The following TLE6 variants were observed in gnomAD, a reference collection of about 807,000 sequenced individuals.
The protein encoded by TLE6 is transducin-like enhancer protein 6.
Under a neutral mutation model 77.1 loss-of-function variants are expected in TLE6, and 72 were observed. That is an observed-to-expected ratio of 0.93 (90% CI 0.77 to 1.14). The LOEUF is 1.14. Ranked by LOEUF, TLE6 falls within the 50% of genes most tolerant of loss-of-function variation. TLE6 has a pLI of 0.00. For missense variants in TLE6, 843 were observed against 747.6 expected, an observed-to-expected ratio of 1.13 and a Z score of -1.49; for synonymous variants, 366 against 287.3, an observed-to-expected ratio of 1.27 and a Z score of -2.77.
intron 14 of TLE6, among the ~76,000 whole-genome samples, chr19:2,993,038 A>C (rs1599173164): frequency 6.8e-6 from 1 of 147,914 alleles, no homozygotes; most frequent in African/African-American, 2.5e-5. Flanking sequence ...AAAAAAAAAA[A>C]AAAAAAAAAA....
chr19:2,978,120 G>A (rs999105927), intron 1 of TLE6, 78 bp from the exon 2 acceptor site: 30 of 1,058,898 alleles, frequency 2.8e-5, no homozygotes, highest in Non-Finnish European at 4.2e-5. Context: ...AGGTGCGGGT[G>A]GGGTAACGGG....
intron 8 of TLE6, 23 bp from the exon 9 acceptor site, chr19:2,987,701 G>A: frequency 1.9e-6 from 3 of 1,614,040 alleles, no homozygotes; most frequent in African/African-American, 2.7e-5. Context: ...CAGCAGGCCT[G>A]ATGAGACTTT....
At chr19:2,985,358 CACCTAGGGAG>C (rs2088884448) in intron 5 of TLE6, among the ~76,000 whole-genome samples, 1 of 150,342 alleles carries the variant, frequency 6.7e-6, no homozygotes, top group African/African-American at 2.5e-5. Context: ...ACGTCTTCCT[CACCTAGGGAG>C]ACCTAGGTAT....
intron 5 of TLE6, among the ~76,000 whole-genome samples, chr19:2,985,661 C>T (rs2088893730): frequency 6.7e-6 from 1 of 149,552 alleles, no homozygotes. Flanking sequence ...CCTCATGATC[C>T]GCCCGCCTCG....
At chr19:2,986,372 C>A (rs1599159038) in intron 5 of TLE6, among the ~76,000 whole-genome samples, 1 of 151,842 alleles carries the variant, frequency 6.6e-6, no homozygotes, top group East Asian at 1.9e-4. Flanking sequence ...GCTGTAATCG[C>A]ACCACTGCAC....
rs2088923836 is a variant in TLE6 at position 2,986,909 on chromosome 19, C to G, written c.285+18C>G. ...CTGAGGAGGTGAGTTTCTGGGTCTT[C>G]AAGGAGGGGAGGGGACAGGCTTGGG... On this transcript the variant is annotated intron_variant, in intron 6 of 16. Coordinates refer to ENST00000246112, the MANE Select transcript of TLE6 (RefSeq NM_001143986.2). 6.4e-7 allele frequency: 1 copy of G among 1,552,094 alleles called. No homozygotes were observed. Among genetic ancestry groups the G allele is most frequent in the Non-Finnish European group, 8.7e-7 (1 of 1,147,202 alleles).
intron 11 of TLE6, 135 bp from the exon 12 acceptor site, chr19:2,988,925 TC>T (rs2088976905): frequency 1.5e-6 from 1 of 668,104 alleles, no homozygotes. Flanking sequence ...TTGAGGGGAG[TC>T]TAGAGGGTAA....
At chr19:2,978,003 C>T (rs1384343873) in intron 1 of TLE6, among the ~76,000 whole-genome samples, 195 bp from the exon 2 acceptor site, 4 of 152,018 alleles carry the variant, frequency 2.6e-5, no homozygotes, top group South Asian at 2.1e-4. Context: ...TCTGGGTCCC[C>T]GCCCCCATGA....
chr19:2,983,360 G>T (rs2088838356), intron 5 of TLE6, among the ~76,000 whole-genome samples: 1 of 152,150 alleles, frequency 6.6e-6, no homozygotes, highest in African/African-American at 2.4e-5. Flanking sequence ...GCGGGGGATG[G>T]AAGAGAGCAG....
In TLE6 at chr19:2,991,915, G is replaced by C; in HGVS notation, c.1317G>C (p.Pro439=). The C allele has an allele frequency of 1.2e-6, 2 of 1,613,792 alleles. No individual in the cohort carries two copies. Among genetic ancestry groups the C allele is most frequent in the Non-Finnish European group, 1.7e-6 (2 of 1,179,896 alleles). The part of the protein sequence containing the change: ...VKGYNIWTGG[P]DACLRCWDQR... ...GCTACAACATCTGGACTGGGGGTCC[G>C]GATGCCTGTCTGCGGTGCTGGGACC... The change falls in exon 14 of 17, where the codon CCG becomes CCC. Residue 439 remains proline (P), a synonymous_variant. Coordinates refer to ENST00000246112, the MANE Select transcript of TLE6 (RefSeq NM_001143986.2).
rs1032523660 is a variant in TLE6 at position 2,986,940 on chromosome 19, G to T, written c.286-43G>T. On this transcript the variant is annotated intron_variant, in intron 6 of 16. Coordinates refer to ENST00000246112, the MANE Select transcript of TLE6 (RefSeq NM_001143986.2). ...GGGGAGGGGACAGGCTTGGGTGAAG[G>T]CTCATCCTCAAAGCTCTCACTGCCT... is the stretch of plus-strand genomic sequence containing the variant. 6 of 1,556,216 alleles carry T rather than the reference G, an allele frequency of 3.9e-6. No homozygotes were observed. In the East Asian group the frequency reaches 1.5e-4, roughly 38 times the overall value.
chr19:2,986,345 G>A (rs1469619797), intron 5 of TLE6, among the ~76,000 whole-genome samples: 2 of 152,034 alleles, frequency 1.3e-5, no homozygotes, highest in African/African-American at 2.4e-5. Flanking sequence ...GAGCCTGGGA[G>A]GTTGAGGGTG....
chr19:2,980,246 C>CG (rs1251796006), intron 3 of TLE6, 64 bp downstream of exon 3: 60 of 1,405,752 alleles, frequency 4.3e-5, no homozygotes, highest in Non-Finnish European at 5.3e-5. Flanking sequence ...GCCTCTCTCC[C>CG]GGGGGTCCTA....
At chr19:2,989,946 T>A (rs112845137) in intron 13 of TLE6, among the ~76,000 whole-genome samples, 161 bp downstream of exon 13, 4 of 128,080 alleles carry the variant, frequency 3.1e-5, no homozygotes, top group Non-Finnish European at 6.4e-5. Context: ...GAACTTGGAT[T>A]TGAGAAAGTT....
chr19:2,993,232 T>C (rs2089125116), intron 14 of TLE6, among the ~76,000 whole-genome samples, 200 bp from the exon 15 acceptor site: 1 of 152,068 alleles, frequency 6.6e-6, no homozygotes, highest in African/African-American at 2.4e-5. Context: ...TCATGCTGTA[T>C]CAGGTGCAAA....
intron 13 of TLE6, 69 bp downstream of exon 13, chr19:2,989,854 C>G: frequency 6.3e-7 from 1 of 1,577,614 alleles, no homozygotes; most frequent in Non-Finnish European, 8.6e-7. Context: ...GCCCACCTTA[C>G]TGCTACCACC....
chr19:2,979,964 CAAAAA>C (rs58993753), intron 2 of TLE6, 131 bp from the exon 3 acceptor site: 21 of 368,866 alleles, frequency 5.7e-5, no homozygotes, highest in East Asian at 1.3e-4. Context: ...ACTCGGTTTC[CAAAAA>C]AAAAAAAAAA....
At position 2,987,127 on chromosome 19, in the gene TLE6, A is replaced by G. The variant is rs1258634465; in HGVS notation, c.430A>G (p.Thr144Ala). 4 of 1,613,932 alleles carry G rather than the reference A, an allele frequency of 2.5e-6. No homozygotes were observed. The highest frequency in any genetic ancestry group is 3.4e-6 in the Non-Finnish European group (4 of 1,180,032). ...TTTGGGGGAGGACAATCAGCCGGAG[A>G]CCCAGCTGTTCTGGGACAAGGAGCC... ...RPLGEDNQPE[T>A]QLFWDKEPWF... Residue 144 changes from threonine (T) to alanine (A), a missense_variant, in exon 7 of 17, where the codon ACC (threonine) becomes GCC (alanine). Physicochemically the swap from Thr to Ala is moderately conservative, Grantham distance 58 (BLOSUM62 0). Transcript: ENST00000246112.
intron 5 of TLE6, among the ~76,000 whole-genome samples, chr19:2,983,342 TGGG>T (rs2088837864): frequency 6.6e-6 from 1 of 151,830 alleles, no homozygotes; most frequent in South Asian, 2.1e-4. Flanking sequence ...GGATGAGGGC[TGGG>T]CAAGGCGGGG....
Sources: gnomAD v4.1 joint callset for allele counts (sites outside exome capture counted in the v4.1 genomes callset) on GRCh38, gnomAD v4.1.1 for gene constraint, MANE v1.5 for transcripts, NCBI Gene and HGNC (gene_info 2026-07-23, HGNC 2026-07-21) for gene names.